The following JARID2 variants were observed in gnomAD, a reference collection of about 807,000 sequenced individuals.
The protein encoded by JARID2 is protein Jumonji.
Under a neutral mutation model 125.6 loss-of-function variants are expected in JARID2, and 21 were observed. The observed-to-expected ratio is 0.17, with a 90% CI of 0.12 to 0.24. JARID2 has a LOEUF of 0.24. Ranked by LOEUF, JARID2 falls within the 10% of genes least tolerant of loss-of-function variation. The pLI is 1.00. For synonymous variants in JARID2, 736 were observed against 661.6 expected (o/e 1.11, Z -1.73); for missense variants, 1,303 against 1,639.6 (o/e 0.79, Z 3.55).
chr6:15,402,576 CT>C (rs935760017), intron 2 of JARID2, among the ~76,000 whole-genome samples: 226 of 152,224 alleles, frequency 1.5e-3, no homozygotes, highest in African/African-American at 5.0e-3. Context: ...AAAAAATGCC[CT>C]TGTGTTTCCG....
At chr6:15,438,048 A>C (rs1197295258) in intron 3 of JARID2, among the ~76,000 whole-genome samples, 1 of 152,166 alleles carries the variant, frequency 6.6e-6, no homozygotes, top group Non-Finnish European at 1.5e-5. Context: ...TCTGGGTATG[A>C]AGTTACTATG....
rs115604727 is a variant in JARID2, at chr6:15,477,005, A to G, written c.670+8287A>G. 5.9e-3 allele frequency among the ~76,000 whole-genome samples: 893 copies of G among 152,298 alleles called. 10 individuals carry two copies. Among genetic ancestry groups the G allele is most frequent in the African/African-American group, 0.021 (869 of 41,546 alleles). On this transcript the variant is annotated intron_variant, in intron 5 of 17. Coordinates refer to ENST00000341776, the MANE Select transcript of JARID2 (RefSeq NM_004973.4). Reference sequence around the variant, plus strand: ...GAAGGCTTGTTGCTAGGTCAGCTGCATGTGTATCTTTTAAATGCTTTTTAT... The same window carrying G: ...GAAGGCTTGTTGCTAGGTCAGCTGCGTGTGTATCTTTTAAATGCTTTTTAT...
At chr6:15,353,952 G>A (rs751339233) in intron 1 of JARID2, among the ~76,000 whole-genome samples, 4 of 152,126 alleles carry the variant, frequency 2.6e-5, no homozygotes, top group Non-Finnish European at 5.9e-5. Context: ...TTCCTAAAGC[G>A]TACAGTTTAA....
intron 1 of JARID2, among the ~76,000 whole-genome samples, chr6:15,359,989 C>G (rs1289406210): frequency 6.6e-6 from 1 of 151,988 alleles, no homozygotes; most frequent in Non-Finnish European, 1.5e-5. Flanking sequence ...GTCTGGCCGA[C>G]TGATGAATTT....
chr6:15,269,746 G>A (rs1054567606), intron 1 of JARID2, among the ~76,000 whole-genome samples: 2 of 152,030 alleles, frequency 1.3e-5, no homozygotes, highest in African/African-American at 4.8e-5. Context: ...CATTTGCAAA[G>A]AATATCCAGG....
intron 3 of JARID2, among the ~76,000 whole-genome samples, chr6:15,430,373 A>G (rs375491575): frequency 1.4e-4 from 22 of 152,220 alleles, no homozygotes; most frequent in Non-Finnish European, 2.2e-4. Flanking sequence ...ACTATATACA[A>G]AATGTGGGAA....
At chr6:15,446,959 A>G (rs1444441219) in intron 3 of JARID2, among the ~76,000 whole-genome samples, 1 of 152,108 alleles carries the variant, frequency 6.6e-6, no homozygotes, top group African/African-American at 2.4e-5. Context: ...GGTGGGTCTC[A>G]CCCTTCTCCT....
At chr6:15,272,642 A>G (rs1760342785) in intron 1 of JARID2, among the ~76,000 whole-genome samples, 1 of 152,182 alleles carries the variant, frequency 6.6e-6, no homozygotes, top group South Asian at 2.1e-4. Flanking sequence ...CTTGACCCCA[A>G]ATCAGGATGT....
chr6:15,423,695 G>C (rs980132468), intron 3 of JARID2, among the ~76,000 whole-genome samples: 1 of 152,154 alleles, frequency 6.6e-6, no homozygotes, highest in South Asian at 2.1e-4. Flanking sequence ...GGCTGAGCAC[G>C]TACGTTTTAT....
intron 1 of JARID2, among the ~76,000 whole-genome samples, chr6:15,329,928 C>A (rs547213989): frequency 1.3e-5 from 2 of 152,288 alleles, no homozygotes; most frequent in Non-Finnish European, 2.9e-5. Context: ...CAGCTCAGAG[C>A]TCAACATTGA....
chr6:15,248,910 A>C (rs941105249), intron 1 of JARID2: 14 of 985,416 alleles, frequency 1.4e-5, no homozygotes, highest in Non-Finnish European at 1.7e-5. Flanking sequence ...GAGGAAGAGG[A>C]GGAAGATGCG....
chr6:15,476,752 A>G (rs1471759623), intron 5 of JARID2, among the ~76,000 whole-genome samples: 2 of 152,218 alleles, frequency 1.3e-5, no homozygotes, highest in African/African-American at 4.8e-5. Flanking sequence ...GATTCTAAAA[A>G]TGGAGCCCTT....
intron 2 of JARID2, among the ~76,000 whole-genome samples, chr6:15,380,671 C>G (rs1581479752): frequency 6.6e-6 from 1 of 152,174 alleles, no homozygotes; most frequent in African/African-American, 2.4e-5. Context: ...ATTGTGTAGC[C>G]AACACCCCCC....
At chr6:15,311,777 AT>A (rs1561785691) in intron 1 of JARID2, among the ~76,000 whole-genome samples, 1 of 151,594 alleles carries the variant, frequency 6.6e-6, no homozygotes, top group African/African-American at 2.4e-5. Flanking sequence ...TCCTTAAAAA[AT>A]TTTTTTCCTC....
chr6:15,489,058 C>CA (rs1474392314), intron 6 of JARID2, among the ~76,000 whole-genome samples: 1 of 152,140 alleles, frequency 6.6e-6, no homozygotes, highest in Non-Finnish European at 1.5e-5. Context: ...CAGAACTCTC[C>CA]AATGTGTAAG....
chr6:15,408,336 T>C (rs1765734800), intron 2 of JARID2, among the ~76,000 whole-genome samples: 1 of 152,242 alleles, frequency 6.6e-6, no homozygotes, highest in Non-Finnish European at 1.5e-5. Context: ...CAGTTTTACA[T>C]CTGGTTCTTT....
intron 3 of JARID2, among the ~76,000 whole-genome samples, chr6:15,443,032 C>T (rs937673713): frequency 2.0e-5 from 3 of 151,902 alleles, no homozygotes; most frequent in South Asian, 2.1e-4. Flanking sequence ...CTATTATCTT[C>T]GATTTTTTAA....
Position 15,349,785 on chromosome 6 carries a change from G to A in JARID2, c.46-24332G>A, listed in dbSNP as rs867254972. On this transcript the variant is annotated intron_variant, in intron 1 of 17. Coordinates refer to ENST00000341776, the MANE Select transcript of JARID2 (RefSeq NM_004973.4). The stretch of plus-strand genomic sequence containing the variant: ...AGGCTGGGGATGCTACCTCCTTCCC[G>A]CAAGCAATGCCTTATTCTGGCCTTC... 4.6e-5 allele frequency among the ~76,000 whole-genome samples: 7 copies of A among 152,230 alleles called. No homozygotes were observed. The East Asian group carries it at 7.7e-4, about 17-fold the overall frequency.
chr6:15,361,763 T>G (rs1280313178), intron 1 of JARID2, among the ~76,000 whole-genome samples: 1 of 152,120 alleles, frequency 6.6e-6, no homozygotes, highest in Non-Finnish European at 1.5e-5. Flanking sequence ...AAGGAAGAAA[T>G]GTTGGAACTG....
Sources: allele counts gnomAD v4.1 joint callset (sites outside exome capture counted in the v4.1 genomes callset), GRCh38; gene constraint gnomAD v4.1.1; transcripts MANE v1.5; gene names NCBI Gene and HGNC (gene_info 2026-07-23, HGNC 2026-07-21).